The following SPAG16 variants were observed in gnomAD, a reference collection of about 807,000 sequenced individuals.
SPAG16 encodes sperm associated antigen 16.
SPAG16 carries 86 observed loss-of-function variants against 80.4 expected under a neutral mutation model. The observed-to-expected ratio is 1.07, with a 90% CI of 0.90 to 1.28. SPAG16 has a LOEUF of 1.28. Ranked by LOEUF, SPAG16 falls within the 50% of genes most tolerant of loss-of-function variation. The pLI, the probability that SPAG16 is intolerant of heterozygous loss-of-function variation, is 0.00. For missense variants in SPAG16, 870 were observed against 765.3 expected (o/e 1.14, Z -1.61); for synonymous variants, 294 against 265.9 (o/e 1.11, Z -1.03).
chr2:213,868,249 A>T (rs2075786110), intron 11 of SPAG16, among the ~76,000 whole-genome samples: 1 of 151,368 alleles, frequency 6.6e-6, no homozygotes, highest in Non-Finnish European at 1.5e-5. Context: ...AAAAATGAGA[A>T]TTTTTTTTTT....
rs559004401 is a variant in SPAG16 at position 213,721,423 on chromosome 2, T to C, written c.1071-141062T>C. The stretch of plus-strand genomic sequence containing the variant: ...CTATAATTCCAATTTTAGCAGTATA[T>C]CTTGCTAATCAACCAAAAGGAACAC... On this transcript the variant is annotated intron_variant, in intron 10 of 15. Coordinates refer to ENST00000331683, the MANE Select transcript of SPAG16 (RefSeq NM_024532.5). 3.3e-5 allele frequency among the ~76,000 whole-genome samples: 5 copies of C among 152,316 alleles called. No homozygotes were observed. In the East Asian group the frequency reaches 9.6e-4, roughly 29 times the overall value.
intron 11 of SPAG16, among the ~76,000 whole-genome samples, chr2:213,921,307 G>T (rs2078212936): frequency 6.6e-6 from 1 of 152,148 alleles, no homozygotes; most frequent in South Asian, 2.1e-4. Context: ...TTTAAAGTCT[G>T]TTTTGTCTAA....
chr2:213,472,414 C>T (rs1319651882), intron 9 of SPAG16, among the ~76,000 whole-genome samples: 2 of 152,190 alleles, frequency 1.3e-5, no homozygotes, highest in Middle Eastern at 3.2e-3. Flanking sequence ...ATCTATCTGT[C>T]TTCTGCATAG....
intron 11 of SPAG16, among the ~76,000 whole-genome samples, chr2:213,877,489 AT>A (rs1393938483): frequency 6.6e-6 from 1 of 152,034 alleles, no homozygotes; most frequent in South Asian, 2.1e-4. Context: ...AAAAAATCAT[AT>A]TTTTTGTTGA....
At chr2:213,748,803 T>C (rs2067950323) in intron 10 of SPAG16, among the ~76,000 whole-genome samples, 1 of 152,180 alleles carries the variant, frequency 6.6e-6, no homozygotes, top group South Asian at 2.1e-4. Flanking sequence ...AGTGTTTTAG[T>C]TTTTTTCTGT....
At chr2:213,986,220 G>A (rs545327099) in intron 12 of SPAG16, among the ~76,000 whole-genome samples, 15 of 152,124 alleles carry the variant, frequency 9.9e-5, no homozygotes, top group South Asian at 2.1e-4. Flanking sequence ...ATTGCCCAGC[G>A]TCCAGGAAGG....
At chr2:213,440,924 C>A (rs1433001512) in intron 9 of SPAG16, among the ~76,000 whole-genome samples, 1 of 152,062 alleles carries the variant, frequency 6.6e-6, no homozygotes, top group Non-Finnish European at 1.5e-5. Flanking sequence ...GAAATTAATT[C>A]CATCAAATGA....
chr2:214,233,580 T>C (rs1688859306), intron 15 of SPAG16, among the ~76,000 whole-genome samples: 1 of 152,108 alleles, frequency 6.6e-6, no homozygotes, highest in Non-Finnish European at 1.5e-5. Flanking sequence ...AAGTTGGGTC[T>C]AGAATCCAGA....
At chr2:214,012,566 A>G (rs1349305013) in intron 12 of SPAG16, among the ~76,000 whole-genome samples, 2 of 151,804 alleles carry the variant, frequency 1.3e-5, no homozygotes, top group Non-Finnish European at 2.9e-5. Flanking sequence ...AAGTGGTTGG[A>G]TTACTGACTT....
intron 15 of SPAG16, among the ~76,000 whole-genome samples, chr2:214,300,666 A>G (rs1288699389): frequency 6.6e-6 from 1 of 152,148 alleles, no homozygotes; most frequent in East Asian, 1.9e-4. Flanking sequence ...GATTATCATA[A>G]TTATTAGTGA....
rs866580542 is a variant in SPAG16, at chr2:214,054,246, G to A, written c.1527+40169G>A. 4.6e-5 allele frequency among the ~76,000 whole-genome samples: 7 copies of A among 152,270 alleles called. No homozygotes were observed. In the Middle Eastern group the frequency reaches 0.014, roughly 296 times the overall value. On this transcript the variant is annotated intron_variant, in intron 13 of 15. Transcript: ENST00000331683. ...GCTGGTCTCGAACTCCTGACCTCAG[G>A]TGATCCGCCTGCCTTGGCCTCCCAA... is the stretch of plus-strand genomic sequence containing the variant.
intron 10 of SPAG16, among the ~76,000 whole-genome samples, chr2:213,725,430 A>G (rs2066723390): frequency 6.6e-6 from 1 of 152,196 alleles, no homozygotes; most frequent in Non-Finnish European, 1.5e-5. Flanking sequence ...ATTCATCATC[A>G]TGGAATGCCC....
At position 214,120,429 on chromosome 2, in the gene SPAG16, T is replaced by C. The variant is rs181241319; in HGVS notation, c.1593+12168T>C. Among the ~76,000 whole-genome samples, 21 of 151,980 alleles carry C rather than the reference T, an allele frequency of 1.4e-4. No homozygotes were observed. In the East Asian group the frequency reaches 4.0e-3, roughly 29 times the overall value. On this transcript the variant is annotated intron_variant, in intron 14 of 15. Coordinates refer to ENST00000331683, the MANE Select transcript of SPAG16 (RefSeq NM_024532.5). ...AGTTTGATTTTAGGCATATATTAATTTCTTTTTTTACTTTTTGATCTATAA... is the reference window on the plus strand; with the variant it reads ...AGTTTGATTTTAGGCATATATTAATCTCTTTTTTTACTTTTTGATCTATAA...
At chr2:213,467,109 T>C (rs567603366) in intron 9 of SPAG16, among the ~76,000 whole-genome samples, 2 of 152,306 alleles carry the variant, frequency 1.3e-5, no homozygotes, top group Admixed American at 1.3e-4. Flanking sequence ...TGGATTTCTG[T>C]GCTCCCAATA....
chr2:213,751,586 C>A (rs1026871280), intron 10 of SPAG16, among the ~76,000 whole-genome samples: 3 of 152,194 alleles, frequency 2.0e-5, no homozygotes, highest in Non-Finnish European at 2.9e-5. Context: ...GTCACCCCAA[C>A]CTCTCTGGAA....
chr2:214,134,955 A>G (rs1317608481), intron 14 of SPAG16, among the ~76,000 whole-genome samples: 1 of 152,178 alleles, frequency 6.6e-6, no homozygotes. Flanking sequence ...GCCGTTTTCG[A>G]TAAAAATGAC....
Position 213,425,958 on chromosome 2 carries a change from G to C in SPAG16, c.942+50839G>C, listed in dbSNP as rs79748029. On this transcript the variant is annotated intron_variant, in intron 9 of 15. Transcript: ENST00000331683. ...CTGGAGCATGTTGTAGTGCCAGGAA[G>C]CATTTTCTCATTCCATATTCTTACC... Among the ~76,000 whole-genome samples the C allele has an allele frequency of 1.4e-4, 21 of 152,216 alleles. No homozygotes were observed. In the East Asian group the frequency reaches 4.1e-3, roughly 29 times the overall value.
chr2:213,652,042 C>T (rs943336090), intron 10 of SPAG16, among the ~76,000 whole-genome samples: 1 of 152,028 alleles, frequency 6.6e-6, no homozygotes, highest in Non-Finnish European at 1.5e-5. Flanking sequence ...ATTTTGTCCC[C>T]CTTATTTCAT....
At chr2:213,693,617 T>G (rs188585745) in intron 10 of SPAG16, among the ~76,000 whole-genome samples, 2 of 152,320 alleles carry the variant, frequency 1.3e-5, no homozygotes, top group East Asian at 3.9e-4. Context: ...TTTCCTATTC[T>G]TTTCCTTATA....
Sources: gnomAD v4.1 joint callset for allele counts (sites outside exome capture counted in the v4.1 genomes callset) on GRCh38, gnomAD v4.1.1 for gene constraint, MANE v1.5 for transcripts, NCBI Gene and HGNC (gene_info 2026-07-23, HGNC 2026-07-21) for gene names.